MED16: variants seen among roughly 807,000 people sequenced by gnomAD.
MED16 encodes the protein mediator complex subunit 16.
MED16 carries 81 observed loss-of-function variants against 84.4 expected under a neutral mutation model. The observed-to-expected ratio is 0.96, with a 90% CI of 0.80 to 1.15. The LOEUF (loss-of-function observed/expected upper bound fraction) is 1.15. Ranked by LOEUF, MED16 falls within the 50% of genes most tolerant of loss-of-function variation. The pLI is 0.00. For synonymous variants in MED16, 897 were observed against 552.2 expected, an observed-to-expected ratio of 1.62 and a Z score of -8.76; for missense variants, 1,585 against 1,245.9, an observed-to-expected ratio of 1.27 and a Z score of -4.10.
chr19:873,978 G>C (rs139539918), intron 10 of MED16, among the ~76,000 whole-genome samples: 2 of 152,126 alleles, frequency 1.3e-5, no homozygotes, highest in Non-Finnish European at 2.9e-5. Flanking sequence ...AGCTGGCGGC[G>C]GTTACACACC....
rs1310711840 is a variant in MED16 at position 890,666 on chromosome 19, C to T, written c.169+297G>A. 3.9e-5 allele frequency among the ~76,000 whole-genome samples: 6 copies of T among 152,290 alleles called. No homozygotes were observed. The South Asian group carries it at 6.2e-4, about 16-fold the overall frequency. On this transcript the variant is annotated intron_variant, in intron 2 of 15. Transcript: ENST00000325464. ...CCTTTCAAAAACCAGTGACACACAC[C>T]GTCTAGAAAACTGGGGCACGTGTCT...
In MED16 at chr19:875,379, C is replaced by T. The variant is rs2036206562; in HGVS notation, c.1636G>A (p.Asp546Asn). The change falls in exon 10 of 16, where the codon GAC becomes AAC. Residue 546 changes from aspartate to asparagine, a missense_variant. By Grantham distance (23) the Asp-to-Asn change is conservative. Coordinates refer to ENST00000325464, the MANE Select transcript of MED16 (RefSeq NM_005481.3). ...ATGAGGAAGAGCTTGGTGTGGTAGT[C>T]GCACACGCGGGTCACCGTGCAGGGC... The part of the protein sequence containing the change: ...LSPCTVTRVC[D>N]YHTKLFLIAI... The T allele has an allele frequency of 4.3e-6, 7 of 1,609,330 alleles. No individual in the cohort carries two copies. The highest frequency in any genetic ancestry group is 1.1e-5 in the South Asian group (1 of 91,052).
At chr19:881,184 A>C (rs1331009103) in intron 7 of MED16, among the ~76,000 whole-genome samples, 2 of 152,154 alleles carry the variant, frequency 1.3e-5, no homozygotes, top group African/African-American at 4.8e-5. Context: ...GTGCAGACTC[A>C]CTCATGGGCA....
intron 6 of MED16, among the ~76,000 whole-genome samples, chr19:882,499 G>C (rs987302011): frequency 1.3e-5 from 2 of 152,208 alleles, no homozygotes; most frequent in African/African-American, 4.8e-5. Flanking sequence ...ACTCCAGCCT[G>C]GGCAACACAG....
At chr19:876,880 C>CCCCCACCTGCCACGTGG in intron 9 of MED16, 94 bp downstream of exon 9, 1 of 1,133,808 alleles carries the variant, frequency 8.8e-7, no homozygotes, top group East Asian at 2.8e-5. Flanking sequence ...TGCCACGGGG[C>CCCCCACCTGCCACGTGG]CCCCACCTGC....
At chr19:885,096 C>CACGCACTGCTGGGCCT (rs2036499514) in intron 5 of MED16, 88 bp from the exon 6 acceptor site, 1 of 995,824 alleles carries the variant, frequency 1.0e-6, no homozygotes, top group African/African-American at 1.6e-5. Flanking sequence ...ACCCTGGGGC[C>CACGCACTGCTGGGCCT]ACGCACTGCT....
At chr19:876,174 A>G (rs1383453338) in intron 9 of MED16, among the ~76,000 whole-genome samples, 1 of 151,612 alleles carries the variant, frequency 6.6e-6, no homozygotes, top group Non-Finnish European at 1.5e-5. Context: ...TTGGTTTCTG[A>G]TGGCACAGAG....
At chr19:889,422 C>T (rs1037115742) in intron 4 of MED16, among the ~76,000 whole-genome samples, 1 of 152,192 alleles carries the variant, frequency 6.6e-6, no homozygotes, top group African/African-American at 2.4e-5. Context: ...CAATGACAGC[C>T]AGACTGCAGG....
chr19:887,088 A>AC (rs1347884856), intron 4 of MED16, among the ~76,000 whole-genome samples: 2 of 151,784 alleles, frequency 1.3e-5, no homozygotes, highest in African/African-American at 4.9e-5. Flanking sequence ...TCAAAAACAA[A>AC]AAAAAAAAGA....
intron 5 of MED16, 91 bp downstream of exon 5, chr19:885,679 G>C: frequency 6.9e-7 from 1 of 1,444,814 alleles, no homozygotes; most frequent in South Asian, 1.3e-5. Flanking sequence ...TTAGCCCGTG[G>C]AGGCCCGCGC....
rs1457405902 is a variant in MED16, at chr19:868,477, TGAGCATG to T, written c.2415_2421del (p.Met806SerfsTer9). On this transcript the variant is annotated frameshift_variant, in exon 15 of 16. Coordinates refer to ENST00000325464, the MANE Select transcript of MED16 (RefSeq NM_005481.3). LOFTEE classifies it high-confidence loss of function. Reference sequence around the variant, plus strand: ...ACCGCCGTGGTTCTGTTGGGCGACTTGAGCATGGTGACACAGCCGCACCTGCGGGGAG... The same window carrying T: ...ACCGCCGTGGTTCTGTTGGGCGACTTGTGACACAGCCGCACCTGCGGGGAG... 6.2e-7 allele frequency: 1 copy of T among 1,610,886 alleles called. No homozygotes were observed.
At position 882,812 on chromosome 19, in the gene MED16, C is replaced by T. The variant is rs577809066; in HGVS notation, c.986-1098G>A. 2.6e-5 allele frequency among the ~76,000 whole-genome samples: 4 copies of T among 152,328 alleles called. No homozygotes were observed. In the South Asian group the frequency reaches 8.3e-4, roughly 32 times the overall value. The stretch of plus-strand genomic sequence containing the variant: ...TACCACGCAGCTGCTCTGTGCCACC[C>T]GCATCATGAGGTCTCTGCCCCGGAC... On this transcript the variant is annotated intron_variant, in intron 6 of 15. Coordinates refer to ENST00000325464, the MANE Select transcript of MED16 (RefSeq NM_005481.3).
At position 873,614 on chromosome 19, in the gene MED16, G is replaced by A. The variant is rs555631208; in HGVS notation, c.1772-32C>T. 9 of 1,610,004 alleles carry A rather than the reference G, an allele frequency of 5.6e-6. No homozygotes were observed. In the Admixed American group the frequency reaches 1.0e-4, roughly 18 times the overall value. ...GGAGACGTGGGTCGGGTCAGCTCGG[G>A]CCTCTTGTACACACAGGGTGACCTA... On this transcript the variant is annotated intron_variant, in intron 10 of 15. Coordinates refer to ENST00000325464, the MANE Select transcript of MED16 (RefSeq NM_005481.3).
intron 8 of MED16, among the ~76,000 whole-genome samples, chr19:879,417 A>C (rs1202491118): frequency 1.5e-5 from 2 of 133,798 alleles, no homozygotes; most frequent in African/African-American, 2.9e-5. Context: ...CTGGTTGTCA[A>C]TGCCCACCAA....
chr19:884,073 G>A (rs923816183), intron 6 of MED16, among the ~76,000 whole-genome samples: 1 of 152,150 alleles, frequency 6.6e-6, no homozygotes, highest in Non-Finnish European at 1.5e-5. Flanking sequence ...CTCATTAGTG[G>A]CTTCTGAGGA....
intron 4 of MED16, among the ~76,000 whole-genome samples, chr19:888,958 C>T (rs1206003694): frequency 6.6e-6 from 1 of 152,204 alleles, no homozygotes; most frequent in African/African-American, 2.4e-5. Context: ...CCCCGAGACC[C>T]TGCCGTCAGT....
chr19:887,854 G>T (rs929096572), intron 4 of MED16, among the ~76,000 whole-genome samples: 2 of 151,888 alleles, frequency 1.3e-5, no homozygotes, highest in Admixed American at 6.6e-5. Context: ...GGGCTGGGGT[G>T]GGGGATGGAT....
chr19:871,310 C>G (rs1348397609), intron 12 of MED16, 57 bp from the exon 13 acceptor site: 1 of 1,476,774 alleles, frequency 6.8e-7, no homozygotes, highest in Non-Finnish European at 9.1e-7. Flanking sequence ...CGCCCGGCCA[C>G]CCGGGACGTG....
chr19:875,268 T>C lies in MED16; in HGVS notation c.1747A>G (p.Ile583Val). Residue 583 changes from isoleucine to valine, a missense_variant, in exon 10 of 16, where the codon ATC becomes GTC. Ile to Val is a conservative substitution (Grantham distance 29, BLOSUM62 3). Coordinates refer to ENST00000325464, the MANE Select transcript of MED16 (RefSeq NM_005481.3). ...DKSPGDRLTE[I>V]CTKITDVDID... ...CCGACGTCGGTGATCTTGGTGCAGA[T>C]CTCGGTCAGCCGGTCGCCGGGGCTC... The C allele has an allele frequency of 6.2e-7, 1 of 1,611,144 alleles. No homozygotes were observed. The highest frequency in any genetic ancestry group is 1.1e-5 in the South Asian group (1 of 91,004).
Sources: allele counts gnomAD v4.1 joint callset (sites outside exome capture counted in the v4.1 genomes callset), GRCh38; gene constraint gnomAD v4.1.1; transcripts MANE v1.5; gene names NCBI Gene and HGNC (gene_info 2026-07-23, HGNC 2026-07-21).